Variants in THRB observed in about 807,000 individuals in gnomAD.
THRB encodes nuclear receptor subfamily 1 group A member 2.
In THRB, 12 loss-of-function variants were observed where a neutral mutation model predicts 47.8. The observed-to-expected ratio is 0.25, with a 90% CI of 0.16 to 0.41. THRB has a LOEUF of 0.41. Among genes scored for constraint, THRB ranks in the 10% least tolerant of loss-of-function variants. THRB has a pLI of 1.00. For missense variants in THRB, 348 were observed against 589.2 expected (o/e 0.59, Z 4.24); for synonymous variants, 218 against 212.2 (o/e 1.03, Z -0.24).
intron 10 of THRB, among the ~76,000 whole-genome samples, chr3:24,123,597 G>T (rs1463562410): frequency 6.6e-6 from 1 of 152,204 alleles, no homozygotes; most frequent in African/African-American, 2.4e-5. Context: ...ACGCGGAATA[G>T]TAAGACATTT....
intron 1 of THRB, among the ~76,000 whole-genome samples, chr3:24,384,460 T>TGG (rs1178389973): frequency 2.0e-5 from 3 of 152,098 alleles, no homozygotes; most frequent in African/African-American, 7.2e-5. Flanking sequence ...TCAGATAACA[T>TGG]CTAGCAGAAC....
chr3:24,203,814 T>G (rs2044906866), intron 4 of THRB, among the ~76,000 whole-genome samples: 1 of 152,230 alleles, frequency 6.6e-6, no homozygotes, highest in African/African-American at 2.4e-5. Flanking sequence ...ACCCTAATAC[T>G]GCACTTTTCC....
intron 2 of THRB, among the ~76,000 whole-genome samples, chr3:24,307,131 T>C (rs2057403734): frequency 6.6e-6 from 1 of 152,050 alleles, no homozygotes; most frequent in Non-Finnish European, 1.5e-5. Context: ...ATATACTCAC[T>C]GATGTTGGCA....
In THRB at chr3:24,128,677, T is replaced by G. The variant is rs114410390; in HGVS notation, c.886-920A>C. ...TTTCCATGCATCACCTCATTTAATC[T>G]TCACAGCAGTACAATGAAGTAAATA... On this transcript the variant is annotated intron_variant, in intron 9 of 10. Coordinates refer to ENST00000646209, the MANE Select transcript of THRB (RefSeq NM_001354712.2). Among the ~76,000 whole-genome samples the G allele has an allele frequency of 4.3e-3, 654 of 150,746 alleles. 2 individuals carry two copies. Among genetic ancestry groups the G allele is most frequent in the Non-Finnish European group, 7.0e-3 (473 of 67,900 alleles).
intron 1 of THRB, among the ~76,000 whole-genome samples, chr3:24,459,869 A>G (rs1399872964): frequency 1.3e-5 from 2 of 152,150 alleles, no homozygotes; most frequent in African/African-American, 4.8e-5. Context: ...GTTTTTATAT[A>G]GGTACTTATA....
At chr3:24,181,617 G>GAGAT (rs1012282698) in intron 5 of THRB, among the ~76,000 whole-genome samples, 6 of 152,204 alleles carry the variant, frequency 3.9e-5, no homozygotes, top group African/African-American at 1.4e-4. Flanking sequence ...GACAAACAGT[G>GAGAT]AGATAGGTGA....
intron 8 of THRB, among the ~76,000 whole-genome samples, chr3:24,135,403 T>A (rs1363510754): frequency 6.6e-6 from 1 of 152,134 alleles, no homozygotes; most frequent in Non-Finnish European, 1.5e-5. Context: ...TGTCTTCTGT[T>A]TATTTTTTAC....
intron 1 of THRB, among the ~76,000 whole-genome samples, chr3:24,421,171 G>A (rs548827304): frequency 6.6e-6 from 1 of 151,834 alleles, no homozygotes; most frequent in African/African-American, 2.4e-5. Flanking sequence ...CACATAGAGG[G>A]GAACAATAGA....
chr3:24,269,599 A>ATT (rs10575669), intron 3 of THRB, among the ~76,000 whole-genome samples: 4 of 134,290 alleles, frequency 3.0e-5, no homozygotes, highest in Non-Finnish European at 4.9e-5. Context: ...ATAATTTTTA[A>ATT]TTTTTTTTTT....
At chr3:24,297,183 A>C (rs2056520932) in intron 3 of THRB, 43 bp downstream of exon 3, 1 of 152,220 alleles carries the variant, frequency 6.6e-6, no homozygotes, top group African/African-American at 2.4e-5. Flanking sequence ...CATCAAAACA[A>C]CCATTTCTTA....
chr3:24,233,603 G>GAAAGA, intron 3 of THRB, among the ~76,000 whole-genome samples: 1 of 150,800 alleles, frequency 6.6e-6, no homozygotes, highest in East Asian at 2.0e-4. Context: ...AAGAAAGAAA[G>GAAAGA]AAAGAAAGAA....
chr3:24,208,691 A>G (rs1328180179), intron 4 of THRB, among the ~76,000 whole-genome samples: 1 of 152,242 alleles, frequency 6.6e-6, no homozygotes, highest in Admixed American at 6.5e-5. Flanking sequence ...CTTATACAAA[A>G]ATTAATTCAA....
intron 7 of THRB, among the ~76,000 whole-genome samples, chr3:24,145,930 C>T (rs2036025583): frequency 2.0e-5 from 3 of 151,998 alleles, no homozygotes; most frequent in Non-Finnish European, 4.4e-5. Context: ...AAAAGGGAGG[C>T]CACACATTCT....
intron 2 of THRB, among the ~76,000 whole-genome samples, chr3:24,319,487 A>T (rs1177112680): frequency 2.6e-5 from 4 of 152,228 alleles, no homozygotes; most frequent in Non-Finnish European, 1.5e-5. Flanking sequence ...GTATTATGTA[A>T]TATGTAAAAG....
intron 5 of THRB, among the ~76,000 whole-genome samples, chr3:24,174,241 G>A (rs560402629): frequency 7.0e-4 from 107 of 152,250 alleles, no homozygotes; most frequent in Non-Finnish European, 1.1e-3. Context: ...GTAATTTGAA[G>A]AGTGAGGATT....
At chr3:24,210,663 C>T (rs906951280) in intron 4 of THRB, among the ~76,000 whole-genome samples, 37 of 152,314 alleles carry the variant, frequency 2.4e-4, no homozygotes, top group South Asian at 6.2e-4. Context: ...CATCCTCTGA[C>T]GCTGGGCTAC....
intron 1 of THRB, among the ~76,000 whole-genome samples, chr3:24,349,999 A>G (rs551659959): frequency 7.2e-4 from 110 of 152,190 alleles, no homozygotes; most frequent in African/African-American, 2.5e-3. Context: ...AATCATATTC[A>G]GAATATATAT....
chr3:24,386,542 C>T (rs1352324378), intron 1 of THRB, among the ~76,000 whole-genome samples: 7 of 152,074 alleles, frequency 4.6e-5, no homozygotes, highest in Non-Finnish European at 2.9e-5. Context: ...CAAAGTTAAC[C>T]TTCACACCAT....
chr3:24,385,244 T>C (rs2066005264), intron 1 of THRB, among the ~76,000 whole-genome samples: 1 of 152,130 alleles, frequency 6.6e-6, no homozygotes, highest in African/African-American at 2.4e-5. Context: ...ATTTTATTAA[T>C]GATCAAATAC....
Sources: allele counts gnomAD v4.1 joint callset (sites outside exome capture counted in the v4.1 genomes callset), GRCh38; gene constraint gnomAD v4.1.1; transcripts MANE v1.5; gene names NCBI Gene and HGNC (gene_info 2026-07-23, HGNC 2026-07-21).